Variants in LRP5 observed in about 807,000 individuals in gnomAD.
LRP5 encodes the protein LDL receptor related protein 5.
In LRP5, 62 loss-of-function variants were observed where a neutral mutation model predicts 154.1. That is an observed-to-expected ratio of 0.40 (90% CI 0.33 to 0.50). LRP5 has a LOEUF of 0.50. LRP5 is among the 20% of genes least tolerant of loss of function. The probability of loss-of-function intolerance (pLI) is 0.55; values close to 1 mark genes in which losing one functional copy is unlikely to be tolerated. For synonymous variants in LRP5, 966 were observed against 1,011.5 expected, an observed-to-expected ratio of 0.96 and a Z score of 0.85; for missense variants, 1,915 against 2,336.7, an observed-to-expected ratio of 0.82 and a Z score of 3.72.
chr11:68,409,750 T>C (rs2098658340), intron 9 of LRP5, among the ~76,000 whole-genome samples, 164 bp from the exon 10 acceptor site: 1 of 151,284 alleles, frequency 6.6e-6, no homozygotes, highest in East Asian at 1.9e-4. Context: ...CTTGGGAGGC[T>C]AAGGCTGGAG....
chr11:68,306,774 C>G, the LRP5 span, among the ~76,000 whole-genome samples: 1 of 152,208 alleles, frequency 6.6e-6, no homozygotes, highest in African/African-American at 2.4e-5. Flanking sequence ...CTCATGTGGG[C>G]CTGCCCAGGG....
chr11:68,397,620 C>T (rs1331028646), intron 7 of LRP5, among the ~76,000 whole-genome samples: 2 of 151,038 alleles, frequency 1.3e-5, no homozygotes, highest in East Asian at 2.0e-4. Flanking sequence ...AGGGTCTGTG[C>T]GCTCGGTTGG....
chr11:68,336,442 C>T (rs1414809351), intron 1 of LRP5, among the ~76,000 whole-genome samples: 1 of 152,144 alleles, frequency 6.6e-6, no homozygotes, highest in Non-Finnish European at 1.5e-5. Context: ...TATTACTATA[C>T]CATATGTTTG....
In LRP5 at chr11:68,438,655, G is replaced by C. The variant is rs2098676424; in HGVS notation, c.4321G>C (p.Gly1441Arg). The stretch of plus-strand genomic sequence containing the variant: ...CGTGCCCCTCAATTTCATAGCCCCG[G>C]GCGGTTCCCAGCATGGCCCCTTCAC... ...PHVPLNFIAP[G>R]GSQHGPFTGI... is the part of the protein sequence containing the mutation. Residue 1441 changes from glycine (G) to arginine (R), a missense_variant, in exon 20 of 23, where the codon GGC (glycine) becomes CGC (arginine). By Grantham distance (125) the Gly-to-Arg change is moderately radical. Coordinates refer to ENST00000294304, the MANE Select transcript of LRP5 (RefSeq NM_002335.4). 1 of 1,613,238 alleles carries C rather than the reference G, an allele frequency of 6.2e-7. No homozygotes were observed. Among genetic ancestry groups the C allele is most frequent in the Non-Finnish European group, 8.5e-7 (1 of 1,179,996 alleles).
intron 18 of LRP5, among the ~76,000 whole-genome samples, 200 bp from the exon 19 acceptor site, chr11:68,436,689 T>A (rs2098675149): frequency 2.6e-5 from 4 of 152,048 alleles, no homozygotes; most frequent in Admixed American, 2.6e-4. Context: ...GCCCTGGCAG[T>A]CCCTCCCCTG....
chr11:68,439,844 C>T lies in LRP5; in HGVS notation c.4416C>T (p.Leu1472=), dbSNP rs1354248168. The change falls in exon 21 of 23, where the codon CTC becomes CTT. Residue 1472 remains leucine (L), a synonymous_variant. Coordinates refer to ENST00000294304, the MANE Select transcript of LRP5 (RefSeq NM_002335.4). The part of the protein sequence containing the change: ...SLMGGRGGVP[L]YDRNHVTGAS... ...TGGGGGGCCGGGGCGGGGTGCCCCTCTACGACCGGAACCACGTCACAGGGG... is the reference window on the plus strand; with the variant it reads ...TGGGGGGCCGGGGCGGGGTGCCCCTTTACGACCGGAACCACGTCACAGGGG... The T allele has an allele frequency of 6.2e-7, 1 of 1,609,862 alleles. No homozygotes were observed. The highest frequency in any genetic ancestry group is 8.5e-7 in the Non-Finnish European group (1 of 1,179,160).
chr11:68,348,943 T>C (rs2098616033), intron 2 of LRP5, among the ~76,000 whole-genome samples: 1 of 148,920 alleles, frequency 6.7e-6, no homozygotes, highest in Non-Finnish European at 1.5e-5. Flanking sequence ...GGAGATCCTG[T>C]CTCAAAAAAA....
At chr11:68,365,519 A>G in intron 4 of LRP5, 52 bp from the exon 5 acceptor site, 1 of 1,612,442 alleles carries the variant, frequency 6.2e-7, no homozygotes, top group Non-Finnish European at 8.5e-7. Flanking sequence ...ATTCAGAAAC[A>G]AGTGACGGTC....
chr11:68,339,299 C>G (rs1477953088), intron 1 of LRP5, among the ~76,000 whole-genome samples: 1 of 151,938 alleles, frequency 6.6e-6, no homozygotes, highest in Non-Finnish European at 1.5e-5. Flanking sequence ...CCTCAGTATC[C>G]CAAGTAGAGC....
intron 18 of LRP5, among the ~76,000 whole-genome samples, chr11:68,434,183 G>T (rs2098673568): frequency 6.6e-6 from 1 of 152,206 alleles, no homozygotes; most frequent in African/African-American, 2.4e-5. Context: ...TGTCTCCACT[G>T]ACCAGTCTGT....
chr11:68,376,940 G>T (rs1474048502), intron 5 of LRP5, among the ~76,000 whole-genome samples: 20 of 152,344 alleles, frequency 1.3e-4, no homozygotes. Flanking sequence ...CACTTGTGAG[G>T]CTGTGTTCCC....
At chr11:68,439,573 G>A (rs557497886) in intron 20 of LRP5, among the ~76,000 whole-genome samples, 6 of 152,252 alleles carry the variant, frequency 3.9e-5, no homozygotes, top group South Asian at 2.1e-4. Context: ...TGTGTCTCCC[G>A]TTTCACAGAT....
At chr11:68,372,909 G>A (rs894214722) in intron 5 of LRP5, among the ~76,000 whole-genome samples, 1 of 152,048 alleles carries the variant, frequency 6.6e-6, no homozygotes, top group South Asian at 2.1e-4. Context: ...GGTCAGGAGG[G>A]GGGCAGGGCC....
At chr11:68,333,082 G>A (rs2098603779) in intron 1 of LRP5, among the ~76,000 whole-genome samples, 1 of 152,208 alleles carries the variant, frequency 6.6e-6, no homozygotes, top group Non-Finnish European at 1.5e-5. Context: ...ATGAAATTAT[G>A]TTGCCAAAAT....
intron 13 of LRP5, among the ~76,000 whole-genome samples, chr11:68,416,956 T>C (rs1349146565): frequency 6.6e-6 from 1 of 152,112 alleles, no homozygotes; most frequent in East Asian, 1.9e-4. Context: ...ACACAACTCA[T>C]AGGGAAAGCG....
chr11:68,374,664 G>A (rs2153145821), intron 5 of LRP5, among the ~76,000 whole-genome samples: 1 of 152,258 alleles, frequency 6.6e-6, no homozygotes, highest in Non-Finnish European at 1.5e-5. Flanking sequence ...AGTTCCCGGT[G>A]CCCCTTTGCC....
intron 1 of LRP5, among the ~76,000 whole-genome samples, chr11:68,314,979 G>A (rs1366797747): frequency 6.6e-6 from 1 of 152,220 alleles, no homozygotes; most frequent in Non-Finnish European, 1.5e-5. Context: ...TTTCAGCCGT[G>A]CTGTGTCACT....
intron 9 of LRP5, among the ~76,000 whole-genome samples, chr11:68,409,002 A>T (rs977222340): frequency 6.9e-6 from 1 of 144,620 alleles, no homozygotes; most frequent in Admixed American, 7.2e-5. Flanking sequence ...GTGACCTGAG[A>T]TTACTCCACT....
intron 21 of LRP5, among the ~76,000 whole-genome samples, chr11:68,440,841 T>C (rs994060188): frequency 6.6e-6 from 1 of 152,034 alleles, no homozygotes; most frequent in Non-Finnish European, 1.5e-5. Flanking sequence ...ATCTCTAGGC[T>C]CACCGCAACC....
Sources: gnomAD v4.1 joint callset for allele counts (sites outside exome capture counted in the v4.1 genomes callset) on GRCh38, gnomAD v4.1.1 for gene constraint, MANE v1.5 for transcripts, NCBI Gene and HGNC (gene_info 2026-07-23, HGNC 2026-07-21) for gene names.